The following CFAP54 variants were observed in gnomAD, a reference collection of about 807,000 sequenced individuals.
CFAP54 encodes cilia- and flagella-associated protein 54.
CFAP54 carries 290 observed loss-of-function variants against 370.4 expected under a neutral mutation model. The observed-to-expected ratio is 0.78, with a 90% confidence interval of 0.71 to 0.86. The LOEUF is 0.86. Among genes scored for constraint, CFAP54 ranks in the 40% least tolerant of loss-of-function variants. CFAP54 has a pLI of 0.00. For missense variants in CFAP54, 3,399 were observed against 3,528.7 expected (o/e 0.96, Z 0.93); for synonymous variants, 1,206 against 1,236.5 (o/e 0.98, Z 0.52).
chr12:96,702,714 C>T (rs776674053), intron 46 of CFAP54, among the ~76,000 whole-genome samples: 17 of 152,094 alleles, frequency 1.1e-4, no homozygotes, highest in African/African-American at 3.6e-4. Flanking sequence ...TTGCAGCTTT[C>T]GAGCTTCAGT....
chr12:96,630,645 A>G lies in CFAP54; in HGVS notation c.4310A>G (p.His1437Arg). Residue 1437 changes from histidine to arginine, a missense_variant, in exon 32 of 68, where the codon CAT (histidine) becomes CGT (arginine). Coordinates refer to ENST00000524981, the MANE Select transcript of CFAP54 (RefSeq NM_001306084.2). The part of the protein sequence containing the change: ...KNPAISEMVA[H>R]ERNRRTSVRK... ...CCGGCTATTTCTGAAATGGTGGCACATGAAAGGTATTCACTAATTAATTAA... is the reference window on the plus strand; with the variant it reads ...CCGGCTATTTCTGAAATGGTGGCACGTGAAAGGTATTCACTAATTAATTAA... 1 of 1,478,080 alleles carries G rather than the reference A, an allele frequency of 6.8e-7. No individual in the cohort carries two copies. Among genetic ancestry groups the G allele is most frequent in the South Asian group, 1.3e-5 (1 of 74,866 alleles). The allele number at this position is 1,478,080 out of a possible 1,614,324, so 91.6% of individuals were successfully genotyped here. A position where few individuals can be genotyped will look rare whatever the true frequency, so the allele number is the denominator to read the frequency against.
Position 96,798,253 on chromosome 12 carries a change from G to A in CFAP54, c.8850+5754G>A, listed in dbSNP as rs77019937. Among the ~76,000 whole-genome samples, 1,448 of 151,766 alleles carry A rather than the reference G, an allele frequency of 9.5e-3. 56 individuals are homozygous for A. In the East Asian group the frequency reaches 0.1, roughly 11 times the overall value. ...TAGACGTTTCTTCTAGGATTACTTC[G>A]TTCTGTTGAAGTACATGCTTTAGAA... On this transcript the variant is annotated intron_variant, in intron 63 of 67. Transcript: ENST00000524981.
At position 96,812,202 on chromosome 12, in the gene CFAP54, G is replaced by A. The variant is rs149721199; in HGVS notation, c.8957+360G>A. On this transcript the variant is annotated intron_variant, in intron 64 of 67. Coordinates refer to ENST00000524981, the MANE Select transcript of CFAP54 (RefSeq NM_001306084.2). ...TAGAGATTACAGAGAGCACAAGGAT[G>A]TTGTCTGTACTATATTTTGCCTGTA... Among the ~76,000 whole-genome samples the A allele has an allele frequency of 1.2e-4, 19 of 152,320 alleles. No individual in the cohort carries two copies. The East Asian group carries it at 3.5e-3, about 28-fold the overall frequency.
chr12:96,754,992 C>A (rs1958236937), intron 56 of CFAP54, among the ~76,000 whole-genome samples: 1 of 152,098 alleles, frequency 6.6e-6, no homozygotes. Flanking sequence ...TATCCACCCG[C>A]CTTGGCCTCC....
intron 66 of CFAP54, among the ~76,000 whole-genome samples, chr12:96,858,326 C>A (rs568084244): frequency 6.6e-6 from 1 of 152,034 alleles, no homozygotes; most frequent in Admixed American, 6.5e-5. Flanking sequence ...ATCCTTTGCC[C>A]GTTTTTTAGT....
intron 46 of CFAP54, among the ~76,000 whole-genome samples, chr12:96,701,361 T>TA (rs955445014): frequency 2.0e-5 from 3 of 152,100 alleles, no homozygotes; most frequent in South Asian, 2.1e-4. Flanking sequence ...TTTAATTAGT[T>TA]AAAAAAATAT....
intron 60 of CFAP54, among the ~76,000 whole-genome samples, chr12:96,771,243 C>A (rs1264576901): frequency 6.6e-6 from 1 of 152,170 alleles, no homozygotes; most frequent in African/African-American, 2.4e-5. Context: ...AAGTCAGAAA[C>A]CAGCTAACTA....
At position 96,829,083 on chromosome 12, in the gene CFAP54, T is replaced by C. The variant is rs1431696845; in HGVS notation, c.9166T>C (p.Ser3056Pro). The change falls in exon 66 of 68, where the codon TCT (serine) becomes CCT (proline). Residue 3056 changes from serine (S) to proline (P), a missense_variant. Transcript: ENST00000524981. ...GAATGATAAAGAGCCAACACCACTA[T>C]CTGAGGTATGTATTTCTCCTTTAAA... ...FLNDKEPTPL[S>P]EVPFDISLPS... The C allele has an allele frequency of 6.7e-7, 1 of 1,493,856 alleles. No homozygotes were observed. The highest frequency in any genetic ancestry group is 9.0e-7 in the Non-Finnish European group (1 of 1,110,718). The allele number at this position is 1,493,856 out of a possible 1,614,324, so 92.5% of individuals were successfully genotyped here.
At chr12:96,659,061 C>G (rs567983371) in intron 38 of CFAP54, among the ~76,000 whole-genome samples, 1 of 152,244 alleles carries the variant, frequency 6.6e-6, no homozygotes, top group East Asian at 1.9e-4. Context: ...CTCTTGTTGC[C>G]CAGGCTGGAG....
intron 63 of CFAP54, among the ~76,000 whole-genome samples, chr12:96,801,418 C>T (rs778992030): frequency 1.3e-5 from 2 of 152,054 alleles, no homozygotes; most frequent in South Asian, 2.1e-4. Flanking sequence ...AAATCTTATA[C>T]GGAGAAATAC....
In CFAP54 at chr12:96,616,524, A is replaced by C. The variant is rs1956420116; in HGVS notation, c.3640-5066A>C. On this transcript the variant is annotated intron_variant, in intron 26 of 67. Coordinates refer to ENST00000524981, the MANE Select transcript of CFAP54 (RefSeq NM_001306084.2). ...CTTAAAGTGTAAAAAGAAAAAGATA[A>C]ACAGAAAAAGATAATTAGATTACAT... Among the ~76,000 whole-genome samples the C allele has an allele frequency of 2.0e-5, 3 of 148,892 alleles. No individual in the cohort carries two copies. The South Asian group carries it at 6.2e-4, about 31-fold the overall frequency.
intron 39 of CFAP54, among the ~76,000 whole-genome samples, chr12:96,671,236 T>C (rs1265846520): frequency 6.6e-6 from 1 of 152,158 alleles, no homozygotes; most frequent in Non-Finnish European, 1.5e-5. Context: ...CCTCCCAAAG[T>C]GCTGGGATTA....
intron 63 of CFAP54, among the ~76,000 whole-genome samples, chr12:96,795,349 A>G (rs1958750491): frequency 6.6e-6 from 1 of 152,092 alleles, no homozygotes; most frequent in Non-Finnish European, 1.5e-5. Context: ...AGCTCTGAAG[A>G]GATTATGTCC....
intron 50 of CFAP54, among the ~76,000 whole-genome samples, chr12:96,726,756 A>T (rs939615025): frequency 1.3e-4 from 20 of 151,790 alleles, no homozygotes; most frequent in Middle Eastern, 3.2e-3. Flanking sequence ...TAGTTCTTTT[A>T]ATTGTGATGT....
Position 96,554,944 on chromosome 12 carries a change from A to T in CFAP54, c.2410+142A>T, listed in dbSNP as rs529655760. On this transcript the variant is annotated intron_variant, in intron 17 of 67. Coordinates refer to ENST00000524981, the MANE Select transcript of CFAP54 (RefSeq NM_001306084.2). The stretch of plus-strand genomic sequence containing the variant: ...ATTTTTTTCTACTTCCCTAATTAAT[A>T]TCAATAAAAACATAATTAAATCTTT... The T allele has an allele frequency of 3.7e-4, 241 of 658,578 alleles. No individual in the cohort carries two copies. The African/African-American group carries it at 3.8e-3, about 10-fold the overall frequency. 40.8% of individuals were successfully genotyped at this position (658,578 alleles called of 1,614,324 possible). A position where few individuals can be genotyped will look rare whatever the true frequency, so the allele number is the denominator to read the frequency against.
chr12:96,554,381 G>A (rs1955730198), intron 16 of CFAP54, 71 bp downstream of exon 16: 6 of 1,423,130 alleles, frequency 4.2e-6, no homozygotes, highest in Admixed American at 2.9e-5. Context: ...CTTGAAAGTA[G>A]GTAAGTAAAG....
intron 23 of CFAP54, among the ~76,000 whole-genome samples, chr12:96,590,063 A>T (rs1490345236): frequency 1.3e-5 from 2 of 152,236 alleles, no homozygotes; most frequent in African/African-American, 4.8e-5. Context: ...CTTTCTTTCT[A>T]GAGTCAGCAA....
At chr12:96,498,119 C>A (rs953487506) in intron 1 of CFAP54, among the ~76,000 whole-genome samples, 1 of 151,834 alleles carries the variant, frequency 6.6e-6, no homozygotes, top group African/African-American at 2.4e-5. Flanking sequence ...GATCCTGGAA[C>A]AACTGGATAT....
chr12:96,645,381 C>T, intron 33 of CFAP54: 1 of 292,158 alleles, frequency 3.4e-6, no homozygotes, highest in Non-Finnish European at 6.9e-6. Context: ...ACCCAGGAAT[C>T]CAACTTACAA....
Sources: gnomAD v4.1 joint callset for allele counts (sites outside exome capture counted in the v4.1 genomes callset) on GRCh38, gnomAD v4.1.1 for gene constraint, MANE v1.5 for transcripts, NCBI Gene and HGNC (gene_info 2026-07-23, HGNC 2026-07-21) for gene names.